Variants in ENPP3 observed in about 807,000 individuals in gnomAD.
ENPP3 encodes ectonucleotide pyrophosphatase/phosphodiesterase 3.
A neutral mutation model predicts 117.8 loss-of-function variants in ENPP3; 104 were observed. The ratio of observed to expected loss-of-function variants is 0.88; its 90% CI spans 0.75 to 1.04. The LOEUF (loss-of-function observed/expected upper bound fraction) is 1.04. Ranked by LOEUF, ENPP3 falls within the 50% of genes least tolerant of loss-of-function variation. The pLI is 0.00. For missense variants in ENPP3, 1,026 were observed against 1,051.9 expected, an observed-to-expected ratio of 0.98 and a Z score of 0.34; for synonymous variants, 380 against 349.9, an observed-to-expected ratio of 1.09 and a Z score of -0.96.
In ENPP3 at chr6:131,674,249, C is replaced by A. The variant is rs745407767; in HGVS notation, c.730C>A (p.Gln244Lys). 6.2e-7 allele frequency: 1 copy of A among 1,613,272 alleles called. No homozygotes were observed. The highest frequency in any genetic ancestry group is 1.1e-5 in the South Asian group (1 of 91,064). ...GAATTTTTCACTTTCTTCAAAGGAA[C>A]AAAATAATCCAGCCTGGTGGCATGG... The part of the protein sequence containing the change: ...NKNFSLSSKE[Q>K]NNPAWWHGQP... The change falls in exon 8 of 25, where the codon CAA (glutamine) becomes AAA (lysine). Residue 244 changes from glutamine (Q) to lysine (K), a missense_variant. By Grantham distance (53) the Gln-to-Lys change is moderately conservative. Coordinates refer to ENST00000357639, the MANE Select transcript of ENPP3 (RefSeq NM_005021.5).
At chr6:131,655,840 G>C (rs374666240) in intron 5 of ENPP3, among the ~76,000 whole-genome samples, 2 of 152,298 alleles carry the variant, frequency 1.3e-5, no homozygotes, top group South Asian at 2.1e-4. Context: ...GGTGAGGAAA[G>C]GGGTGGTGGT....
chr6:131,686,840 A>G (rs1386174486), intron 14 of ENPP3, among the ~76,000 whole-genome samples: 1 of 152,176 alleles, frequency 6.6e-6, no homozygotes, highest in Non-Finnish European at 1.5e-5. Context: ...AAAGGACATG[A>G]TTTCATTCTT....
At chr6:131,736,477 C>T (rs1327690762) in intron 21 of ENPP3, among the ~76,000 whole-genome samples, 1 of 152,116 alleles carries the variant, frequency 6.6e-6, no homozygotes, top group Non-Finnish European at 1.5e-5. Flanking sequence ...TCTCGTGAGA[C>T]TTATTCACTA....
At chr6:131,720,169 A>G in intron 16 of ENPP3, 123 bp from the exon 17 acceptor site, 1 of 564,022 alleles carries the variant, frequency 1.8e-6, no homozygotes. Flanking sequence ...CTAAAAAAAA[A>G]TTCCTTACAG....
chr6:131,639,261 A>ATT (rs1237341722), intron 1 of ENPP3, among the ~76,000 whole-genome samples: 2,006 of 64,772 alleles, frequency 0.031, 33 homozygotes, highest in Admixed American at 0.098. Flanking sequence ...ATATATATAT[A>ATT]TATATTTTTT....
intron 14 of ENPP3, among the ~76,000 whole-genome samples, chr6:131,690,706 C>G (rs940821823): frequency 1.3e-5 from 2 of 151,774 alleles, no homozygotes; most frequent in East Asian, 3.9e-4. Context: ...AATCTGGGAC[C>G]CACTGCAAGT....
chr6:131,689,366 A>G (rs1186324204), intron 14 of ENPP3, among the ~76,000 whole-genome samples: 1 of 152,130 alleles, frequency 6.6e-6, no homozygotes, highest in East Asian at 1.9e-4. Flanking sequence ...GGTGACTTGA[A>G]ATTGAGCCAA....
chr6:131,737,567 G>A (rs1780425877), intron 22 of ENPP3, 135 bp downstream of exon 22: 5 of 557,772 alleles, frequency 9.0e-6, no homozygotes, highest in Non-Finnish European at 9.4e-6. Flanking sequence ...TTAAATATAG[G>A]TATAGGAAGG....
At chr6:131,679,219 T>G (rs1348206715) in intron 11 of ENPP3, among the ~76,000 whole-genome samples, 2 of 151,460 alleles carry the variant, frequency 1.3e-5, no homozygotes, top group Admixed American at 6.6e-5. Flanking sequence ...CTCAGCCTCT[T>G]GAGTAGCTGG....
At chr6:131,685,553 G>A in intron 13 of ENPP3, 58 bp downstream of exon 13, 1 of 1,549,668 alleles carries the variant, frequency 6.5e-7, no homozygotes, top group Non-Finnish European at 8.8e-7. Context: ...AATAACCATA[G>A]TCCACTAATT....
rs562638156 is a variant in ENPP3, at chr6:131,658,423, A to G, written c.562+3A>G. 6.9e-6 allele frequency: 10 copies of G among 1,443,864 alleles called. No homozygotes were observed. The East Asian group carries it at 1.8e-4, about 26-fold the overall frequency. The allele number at this position is 1,443,864 out of a possible 1,614,324, so 89.4% of individuals were successfully genotyped here. On this transcript the variant is annotated splice_donor_region_variant and intron_variant, in intron 6 of 24. Coordinates refer to ENST00000357639, the MANE Select transcript of ENPP3 (RefSeq NM_005021.5). ...AATGCCAAATATCAATAAACTGAGT[A>G]AGTCTTCTGTAACTAGTGGCATGCA... is the stretch of plus-strand genomic sequence containing the variant.
chr6:131,675,278 C>T (rs1170896767), intron 9 of ENPP3, 89 bp downstream of exon 9: 2 of 906,152 alleles, frequency 2.2e-6, no homozygotes, highest in Non-Finnish European at 3.5e-6. Context: ...TCTATTAATC[C>T]AGTTGTTTAA....
At chr6:131,650,465 G>T (rs961797988) in intron 3 of ENPP3, among the ~76,000 whole-genome samples, 1 of 152,014 alleles carries the variant, frequency 6.6e-6, no homozygotes, top group Non-Finnish European at 1.5e-5. Context: ...TCAAGCAGTT[G>T]TCCCACCTTG....
At chr6:131,682,571 G>T (rs554029640) in intron 11 of ENPP3, among the ~76,000 whole-genome samples, 1 of 152,280 alleles carries the variant, frequency 6.6e-6, no homozygotes, top group African/African-American at 2.4e-5. Context: ...GTGTTTGTAT[G>T]CAAGTCTCCA....
intron 15 of ENPP3, among the ~76,000 whole-genome samples, chr6:131,695,653 C>T (rs185306659): frequency 2.0e-5 from 3 of 152,208 alleles, no homozygotes; most frequent in East Asian, 1.9e-4. Context: ...CGGTGGCTCA[C>T]GCCTGTAATC....
chr6:131,637,467 G>C lies in ENPP3; in HGVS notation c.78+5G>C. ...AAATATAAAATAGCTTGCATTGTAA[G>C]TACAATTCTTATTTTTAGTCTTTCT... On this transcript the variant is annotated splice_donor_5th_base_variant and intron_variant, in intron 1 of 24. Transcript: ENST00000357639. 1.4e-6 allele frequency: 2 copies of C among 1,467,998 alleles called. No homozygotes were observed. The highest frequency in any genetic ancestry group is 1.9e-6 in the Non-Finnish European group (2 of 1,064,668). The allele number at this position is 1,467,998 out of a possible 1,614,324, so 90.9% of individuals were successfully genotyped here. A position where few individuals can be genotyped will look rare whatever the true frequency, so the allele number is the denominator to read the frequency against.
At chr6:131,721,569 G>T (rs1340343244) in intron 17 of ENPP3, among the ~76,000 whole-genome samples, 1 of 151,826 alleles carries the variant, frequency 6.6e-6, no homozygotes, top group Non-Finnish European at 1.5e-5. Context: ...ATACAAACAT[G>T]CAAATTGTAT....
chr6:131,661,813 A>G (rs896328863), intron 6 of ENPP3, among the ~76,000 whole-genome samples: 47 of 152,200 alleles, frequency 3.1e-4, no homozygotes, highest in Admixed American at 2.8e-3. Flanking sequence ...TATCAGATAC[A>G]TGGTTTGAAA....
chr6:131,722,060 G>A (rs1376746191), intron 17 of ENPP3, among the ~76,000 whole-genome samples, 167 bp from the exon 18 acceptor site: 1 of 152,130 alleles, frequency 6.6e-6, no homozygotes, highest in Non-Finnish European at 1.5e-5. Context: ...TTGAAACCAT[G>A]GAGAAGAAAG....
Sources: allele counts gnomAD v4.1 joint callset (sites outside exome capture counted in the v4.1 genomes callset), GRCh38; gene constraint gnomAD v4.1.1; transcripts MANE v1.5; gene names NCBI Gene and HGNC (gene_info 2026-07-23, HGNC 2026-07-21).